CBFA2T2: variants seen among roughly 807,000 people sequenced by gnomAD.
The protein encoded by CBFA2T2 is protein CBFA2T2.
Under a neutral mutation model 62.2 loss-of-function variants are expected in CBFA2T2, and 11 were observed. The ratio of observed to expected loss-of-function variants is 0.18; its 90% CI spans 0.11 to 0.29. The LOEUF (loss-of-function observed/expected upper bound fraction) is 0.29. Ranked by LOEUF, CBFA2T2 falls within the 10% of genes least tolerant of loss-of-function variation. The pLI is 1.00. For missense variants in CBFA2T2, 592 were observed against 774.1 expected, an observed-to-expected ratio of 0.76 and a Z score of 2.79; for synonymous variants, 295 against 287.5, an observed-to-expected ratio of 1.03 and a Z score of -0.27.
rs560518602 is a variant in CBFA2T2, at chr20:33,601,557, G to A, written c.35-5399G>A. ...TGGGATTACAGGCATGAGCCACCGT[G>A]CTCAGCCTGGAGTCTGATTTTTTTA... On this transcript the variant is annotated intron_variant, in intron 1 of 10. Coordinates refer to ENST00000342704, the MANE Select transcript of CBFA2T2 (RefSeq NM_001032999.3). Among the ~76,000 whole-genome samples, 518 of 152,140 alleles carry A rather than the reference G, an allele frequency of 3.4e-3. 2 individuals are homozygous for A. The highest frequency in any genetic ancestry group is 4.3e-3 in the Admixed American group (66 of 15,286).
chr20:33,502,689 C>G (rs1299835498), intron 1 of CBFA2T2, among the ~76,000 whole-genome samples: 1 of 150,370 alleles, frequency 6.7e-6, no homozygotes, highest in African/African-American at 2.4e-5. Flanking sequence ...AGGCGTGAGC[C>G]ACCGTGCCCG....
At chr20:33,623,051 C>T in intron 4 of CBFA2T2, 64 bp from the exon 5 acceptor site, 1 of 1,523,998 alleles carries the variant, frequency 6.6e-7, no homozygotes, top group East Asian at 2.3e-5. Context: ...TGTGAAAGCC[C>T]TTTGAGGTGC....
intron 1 of CBFA2T2, among the ~76,000 whole-genome samples, chr20:33,603,388 TTGGCTTCCCA>T (rs2015214747): frequency 6.6e-6 from 1 of 152,262 alleles, no homozygotes; most frequent in Non-Finnish European, 1.5e-5. Flanking sequence ...ATCAAGTTCT[TTGGCTTCCCA>T]TGGTTTAGGT....
chr20:33,643,979 G>C (rs2016959379), intron 10 of CBFA2T2, among the ~76,000 whole-genome samples: 1 of 150,660 alleles, frequency 6.6e-6, no homozygotes, highest in African/African-American at 2.4e-5. Flanking sequence ...GGAGACCCTG[G>C]CACAGAGTTT....
At chr20:33,505,154 A>C (rs1423303306) in intron 1 of CBFA2T2, among the ~76,000 whole-genome samples, 2 of 152,116 alleles carry the variant, frequency 1.3e-5, no homozygotes, top group Non-Finnish European at 2.9e-5. Context: ...CTAGAATGTG[A>C]GAGTGTGGCT....
chr20:33,544,078 A>G (rs1434564561), intron 1 of CBFA2T2, among the ~76,000 whole-genome samples: 1 of 152,144 alleles, frequency 6.6e-6, no homozygotes, highest in Non-Finnish European at 1.5e-5. Flanking sequence ...CATAGCAGCC[A>G]GAGTGGTTCA....
intron 2 of CBFA2T2, 88 bp downstream of exon 2, chr20:33,607,187 A>T (rs1330198316): frequency 8.1e-7 from 1 of 1,228,096 alleles, no homozygotes; most frequent in African/African-American, 1.5e-5. Context: ...CACATATATT[A>T]TTCAGTGTTT....
At chr20:33,624,404 A>G (rs906176583) in intron 5 of CBFA2T2, among the ~76,000 whole-genome samples, 1 of 151,440 alleles carries the variant, frequency 6.6e-6, no homozygotes, top group Non-Finnish European at 1.5e-5. Flanking sequence ...GTTTCTTTCC[A>G]GTAACTCATC....
chr20:33,573,914 A>G, intron 1 of CBFA2T2: 1 of 308,634 alleles, frequency 3.2e-6, no homozygotes, highest in Non-Finnish European at 6.1e-6. Context: ...CCGAATAGCT[A>G]GGACTAGAGG....
At chr20:33,604,487 C>T (rs904287978) in intron 1 of CBFA2T2, among the ~76,000 whole-genome samples, 7 of 152,188 alleles carry the variant, frequency 4.6e-5, no homozygotes, top group Non-Finnish European at 1.0e-4. Context: ...GCTTCATTCA[C>T]TTGAAACATG....
intron 1 of CBFA2T2, among the ~76,000 whole-genome samples, chr20:33,603,495 C>A (rs1041681967): frequency 7.2e-5 from 11 of 152,104 alleles, no homozygotes; most frequent in African/African-American, 2.7e-4. Flanking sequence ...TGCACACATG[C>A]ATTTATTTTT....
At chr20:33,556,775 A>G (rs1476839326) in intron 1 of CBFA2T2, among the ~76,000 whole-genome samples, 2 of 152,018 alleles carry the variant, frequency 1.3e-5, no homozygotes, top group South Asian at 2.1e-4. Context: ...CTGCATTTAC[A>G]TATTGGCATT....
chr20:33,541,604 A>T (rs1261499577), intron 1 of CBFA2T2, among the ~76,000 whole-genome samples: 1 of 152,202 alleles, frequency 6.6e-6, no homozygotes, highest in Admixed American at 6.5e-5. Flanking sequence ...GCCTAGGCTG[A>T]TGCCTTTCCA....
At chr20:33,558,590 A>C (rs957532845) in intron 1 of CBFA2T2, among the ~76,000 whole-genome samples, 18 of 151,998 alleles carry the variant, frequency 1.2e-4, no homozygotes, top group Admixed American at 7.9e-4. Flanking sequence ...GTGTCCCCTC[A>C]ATGTTTTATA....
chr20:33,545,000 T>C (rs369878819), intron 1 of CBFA2T2, among the ~76,000 whole-genome samples: 6,465 of 125,532 alleles, frequency 0.052, 541 homozygotes, highest in African/African-American at 0.17. Flanking sequence ...TAGAATAGAA[T>C]AGAATAGAAT....
chr20:33,547,926 C>G (rs1288261088), intron 1 of CBFA2T2, among the ~76,000 whole-genome samples: 3 of 140,410 alleles, frequency 2.1e-5, no homozygotes, highest in African/African-American at 7.4e-5. Flanking sequence ...GGCAGTTACA[C>G]TTGTTTTTTG....
At chr20:33,640,616 A>T in intron 10 of CBFA2T2, 85 bp downstream of exon 10, 1 of 1,246,124 alleles carries the variant, frequency 8.0e-7, no homozygotes, top group East Asian at 2.4e-5. Context: ...GGGCAGGAAG[A>T]CACAGGCAGT....
intron 8 of CBFA2T2, 26 bp downstream of exon 8, chr20:33,629,940 CA>C (rs1568865431): frequency 1.9e-6 from 3 of 1,569,532 alleles, no homozygotes; most frequent in South Asian, 2.4e-5. Flanking sequence ...ACGGGAAACC[CA>C]AAATAAATGT....
chr20:33,536,230 A>C (rs377220424), intron 1 of CBFA2T2, among the ~76,000 whole-genome samples: 1 of 141,364 alleles, frequency 7.1e-6, no homozygotes, highest in African/African-American at 2.6e-5. Context: ...GGCTCCTCAC[A>C]TCCCAGTAGG....
Sources: gnomAD v4.1 joint callset for allele counts (sites outside exome capture counted in the v4.1 genomes callset) on GRCh38, gnomAD v4.1.1 for gene constraint, MANE v1.5 for transcripts, NCBI Gene and HGNC (gene_info 2026-07-23, HGNC 2026-07-21) for gene names.